The following ZNF568 variants were observed in gnomAD, a reference collection of about 807,000 sequenced individuals.
The protein encoded by ZNF568 is p53 inhibitor of SCO2 activation.
A neutral mutation model predicts 18.1 loss-of-function variants in ZNF568; 11 were observed. The observed-to-expected ratio is 0.61, with a 90% confidence interval of 0.38 to 1.00. The LOEUF (loss-of-function observed/expected upper bound fraction) is 1.00. Among genes scored for constraint, ZNF568 ranks in the 50% least tolerant of loss-of-function variants. The pLI is 0.01. For missense variants in ZNF568, 639 were observed against 768.2 expected (o/e 0.83, Z 1.99); for synonymous variants, 213 against 246.6 (o/e 0.86, Z 1.28).
At chr19:36,960,940 C>T (rs12710052) in intron 6 of ZNF568, among the ~76,000 whole-genome samples, 28,412 of 151,828 alleles carry the variant, frequency 0.19, 2,731 homozygotes, top group African/African-American at 0.24. Flanking sequence ...GAGGCCTACT[C>T]GATGGCCTAT....
In ZNF568 at chr19:36,951,740, A is replaced by G. The variant is rs2074063071; in HGVS notation, c.*652A>G. 1 of 149,492 alleles carries G rather than the reference A, an allele frequency of 6.7e-6. No individual in the cohort carries two copies. Among genetic ancestry groups the G allele is most frequent in the South Asian group, 2.1e-4 (1 of 4,688 alleles). The allele number at this position is 149,492 out of a possible 1,614,324, so 9.3% of individuals were successfully genotyped here. On this transcript the variant is annotated 3_prime_UTR_variant, in exon 7 of 7. Coordinates refer to ENST00000333987, the MANE Select transcript of ZNF568 (RefSeq NM_198539.4). ...GCCCAGGCTGGAGTACGGTGGTGCA[A>G]TCTCAGCTCACTGCAGCCTCTGCTT...
At chr19:36,924,984 C>A (rs931293165) in intron 3 of ZNF568, among the ~76,000 whole-genome samples, 1 of 152,114 alleles carries the variant, frequency 6.6e-6, no homozygotes, top group Non-Finnish European at 1.5e-5. Context: ...TTGGGCACTG[C>A]ATACTTAGCC....
At chr19:36,928,127 G>T (rs905033558) in intron 4 of ZNF568, among the ~76,000 whole-genome samples, 1 of 150,442 alleles carries the variant, frequency 6.6e-6, no homozygotes, top group Non-Finnish European at 1.5e-5. Flanking sequence ...TGTTGGCCAG[G>T]CTGACCTCAA....
chr19:36,997,096 CA>C lies in ZNF568; in HGVS notation c.1010del (p.His337LeufsTer3). The C allele has an allele frequency of 6.4e-7, 1 of 1,565,364 alleles. No homozygotes were observed. Among genetic ancestry groups the C allele is most frequent in the Non-Finnish European group, 8.6e-7 (1 of 1,160,352 alleles). On this transcript the variant is annotated frameshift_variant, in exon 5 of 5. Transcript: ENST00000433993. LOFTEE classifies it low-confidence loss of function (END_TRUNC). ...TCGTTATGACACACAGCTGAGCCTTCATCAGATAATCCATACTGGTGAAAGA... is the reference window on the plus strand; with the variant it reads ...TCGTTATGACACACAGCTGAGCCTTCTCAGATAATCCATACTGGTGAAAGA...
intron 2 of ZNF568, among the ~76,000 whole-genome samples, chr19:36,988,138 G>A (rs928310606): frequency 2.0e-5 from 3 of 151,366 alleles, no homozygotes; most frequent in African/African-American, 7.3e-5. Flanking sequence ...TATTTTTGTA[G>A]AGATGGGGTC....
intron 7 of ZNF568, chr19:36,974,520 G>A (rs2074264667): frequency 6.8e-7 from 1 of 1,472,590 alleles, no homozygotes; most frequent in East Asian, 2.5e-5. Flanking sequence ...TCAGGACAGT[G>A]TCCTATTTCA....
intron 4 of ZNF568, among the ~76,000 whole-genome samples, chr19:36,936,190 A>G (rs1286883444): frequency 6.6e-6 from 1 of 152,166 alleles, no homozygotes; most frequent in Non-Finnish European, 1.5e-5. Context: ...ACTAAGTTCC[A>G]TTAAGATATG....
chr19:36,978,618 GA>G (rs2074304654), intron 7 of ZNF568, among the ~76,000 whole-genome samples: 1 of 152,124 alleles, frequency 6.6e-6, no homozygotes, highest in Non-Finnish European at 1.5e-5. Flanking sequence ...CCTATAGCAA[GA>G]TTCTTCTTTT....
At chr19:36,989,268 T>C (rs892548003) in intron 2 of ZNF568, among the ~76,000 whole-genome samples, 2 of 152,132 alleles carry the variant, frequency 1.3e-5, no homozygotes, top group African/African-American at 4.8e-5. Context: ...CTGCAACCTC[T>C]GCCTCCCAGG....
chr19:36,936,826 G>T lies in ZNF568; in HGVS notation c.216G>T (p.Leu72Phe), dbSNP rs765742525. Residue 72 changes from leucine (L) to phenylalanine (F), a missense_variant, in exon 5 of 7, where the codon TTG becomes TTT. By Grantham distance (22) the Leu-to-Phe change is conservative. Transcript: ENST00000333987. ...WEQMKPAQRN[L>F]YRDVMLENYS... Reference sequence around the variant, plus strand: ...AAATGAAACCTGCTCAAAGAAACTTGTATCGAGATGTGATGCTGGAGAACT... The same window carrying T: ...AAATGAAACCTGCTCAAAGAAACTTTTATCGAGATGTGATGCTGGAGAACT... 1 of 1,613,940 alleles carries T rather than the reference G, an allele frequency of 6.2e-7. No homozygotes were observed. Among genetic ancestry groups the T allele is most frequent in the South Asian group, 1.1e-5 (1 of 91,070 alleles).
chr19:36,945,210 AGTGTGTGTGTGTGTGTGT>A (rs10616521), intron 6 of ZNF568, among the ~76,000 whole-genome samples: 63 of 141,960 alleles, frequency 4.4e-4, no homozygotes, highest in African/African-American at 1.6e-3. Flanking sequence ...CAGAGAGAGA[AGTGTGTGTGTGTGTGTGT>A]GTGTGTGTGT....
At position 36,926,600 on chromosome 19, in the gene ZNF568, A is replaced by G. The variant is rs140121237; in HGVS notation, c.135+1342A>G. ...AATGTTGGGAGGGTTAAATACATGTAACAAGTACCCCATAAATGATAGGCA... is the reference window on the plus strand; with the variant it reads ...AATGTTGGGAGGGTTAAATACATGTGACAAGTACCCCATAAATGATAGGCA... On this transcript the variant is annotated intron_variant, in intron 4 of 6. Transcript: ENST00000333987. Among the ~76,000 whole-genome samples, 10 of 152,336 alleles carry G rather than the reference A, an allele frequency of 6.6e-5. No individual in the cohort carries two copies. The East Asian group carries it at 1.9e-3, about 29-fold the overall frequency.
intron 6 of ZNF568, among the ~76,000 whole-genome samples, chr19:36,962,857 G>A (rs1162351171): frequency 6.6e-6 from 1 of 151,692 alleles, no homozygotes; most frequent in East Asian, 1.9e-4. Context: ...TAGTCTTATG[G>A]GGTTTCTTTT....
Position 36,951,169 on chromosome 19 carries a change from G to A in ZNF568, c.*81G>A. On this transcript the variant is annotated 3_prime_UTR_variant, in exon 7 of 7. Transcript: ENST00000333987. ...AGCTCAAAAAAGCCAGGATCTTTAT[G>A]GAAAAATTTTAATACTTTGTTAAAA... 7.3e-7 allele frequency: 1 copy of A among 1,374,652 alleles called. No homozygotes were observed. Among genetic ancestry groups the A allele is most frequent in the Non-Finnish European group, 9.6e-7 (1 of 1,040,782 alleles). 85.2% of individuals were successfully genotyped at this position (1,374,652 alleles called of 1,614,324 possible).
Position 36,950,925 on chromosome 19 carries a change from G to A in ZNF568, c.1772G>A (p.Cys591Tyr), listed in dbSNP as rs994414524. The A allele has an allele frequency of 1.2e-5, 19 of 1,613,574 alleles. No homozygotes were observed. Among genetic ancestry groups the A allele is most frequent in the Non-Finnish European group, 1.6e-5 (19 of 1,179,880 alleles). ...GAGAAACCCTATGAATGTAATAAAT[G>A]TGGGAAAGCCTTTTCTCAGTGCTCA... ...TGEKPYECNK[C>Y]GKAFSQCSLL... is the part of the protein sequence containing the mutation. The change falls in exon 7 of 7, where the codon TGT becomes TAT. Residue 591 changes from cysteine (C) to tyrosine (Y), a missense_variant. Coordinates refer to ENST00000333987, the MANE Select transcript of ZNF568 (RefSeq NM_198539.4).
In ZNF568 at chr19:36,991,211, TC is replaced by T; in HGVS notation, c.46del (p.Gln16LysfsTer18). 6.5e-7 allele frequency: 1 copy of T among 1,536,402 alleles called. No homozygotes were observed. The highest frequency in any genetic ancestry group is 8.7e-7 in the Non-Finnish European group (1 of 1,146,884). ...TCAAAGATGTGGTCATTTACTTCTC[TC>T]AAAAGGAGTGGGAATGCTTGCACTC... is the stretch of plus-strand genomic sequence containing the variant. On this transcript the variant is annotated frameshift_variant, in exon 3 of 5. Coordinates refer to the ZNF568 transcript ENST00000433993. LOFTEE classifies it high-confidence loss of function.
At chr19:36,934,534 C>T (rs2073756543) in intron 4 of ZNF568, among the ~76,000 whole-genome samples, 1 of 152,120 alleles carries the variant, frequency 6.6e-6, no homozygotes, top group Non-Finnish European at 1.5e-5. Context: ...GTTGCTCAGG[C>T]TGGTCTTGAA....
intron 6 of ZNF568, among the ~76,000 whole-genome samples, chr19:36,968,289 T>G (rs922698787): frequency 6.6e-6 from 1 of 152,040 alleles, no homozygotes; most frequent in Non-Finnish European, 1.5e-5. Flanking sequence ...TAAATATGCA[T>G]ATGGGCCAGG....
chr19:36,919,854 C>T (rs1431571487), intron 2 of ZNF568, among the ~76,000 whole-genome samples: 2 of 152,026 alleles, frequency 1.3e-5, no homozygotes, highest in Admixed American at 6.6e-5. Flanking sequence ...ACTCTGCTGC[C>T]AGTCATATAA....
Sources: gnomAD v4.1 joint callset for allele counts (sites outside exome capture counted in the v4.1 genomes callset) on GRCh38, gnomAD v4.1.1 for gene constraint, MANE v1.5 for transcripts, NCBI Gene and HGNC (gene_info 2026-07-23, HGNC 2026-07-21) for gene names.